Variants in MAGI1 observed in about 807,000 individuals in gnomAD.
MAGI1 encodes membrane associated guanylate kinase, WW and PDZ domain containing 1.
Under a neutral mutation model 139.9 loss-of-function variants are expected in MAGI1, and 58 were observed. The observed-to-expected ratio is 0.41, with a 90% CI of 0.34 to 0.52. The LOEUF (loss-of-function observed/expected upper bound fraction) is 0.52. MAGI1 is among the 20% of genes least tolerant of loss of function. MAGI1 has a pLI of 0.12. For missense variants in MAGI1, 1,874 were observed against 1,901.6 expected, an observed-to-expected ratio of 0.99 and a Z score of 0.27; for synonymous variants, 812 against 737.9, an observed-to-expected ratio of 1.10 and a Z score of -1.63.
chr3:65,548,340 C>T (rs916079378), intron 2 of MAGI1, among the ~76,000 whole-genome samples: 6 of 152,024 alleles, frequency 3.9e-5, no homozygotes, highest in Admixed American at 1.3e-4. Flanking sequence ...GCACACAGCT[C>T]GCAAGAAGGC....
intron 5 of MAGI1, among the ~76,000 whole-genome samples, chr3:65,454,943 A>C (rs1014438608): frequency 6.6e-6 from 1 of 152,162 alleles, no homozygotes; most frequent in African/African-American, 2.4e-5. Context: ...AAAACTGATA[A>C]TAGAAAGGTA....
chr3:65,794,378 G>A (rs1182280334), intron 1 of MAGI1, among the ~76,000 whole-genome samples: 8 of 152,098 alleles, frequency 5.3e-5, no homozygotes, highest in Non-Finnish European at 1.2e-4. Context: ...GTCCTTCTGA[G>A]GAAGCTCAGG....
At chr3:65,750,145 C>T (rs1007955787) in intron 1 of MAGI1, among the ~76,000 whole-genome samples, 4 of 152,100 alleles carry the variant, frequency 2.6e-5, no homozygotes, top group Non-Finnish European at 5.9e-5. Flanking sequence ...CTGGCAAACA[C>T]CAAAACAAGA....
rs145898823 is a variant in MAGI1 at position 65,726,860 on chromosome 3, A to G, written c.314-104772T>C. 1.8e-3 allele frequency among the ~76,000 whole-genome samples: 281 copies of G among 152,050 alleles called. 1 individual carries two copies. The Middle Eastern group carries it at 0.034, about 18-fold the overall frequency. ...TTATCCGTTATAGCCATGGCATGCA[A>G]AAGACGAGAGGCAGAATGGAACAGA... is the stretch of plus-strand genomic sequence containing the variant. On this transcript the variant is annotated intron_variant, in intron 1 of 22. Coordinates refer to ENST00000402939, the MANE Select transcript of MAGI1 (RefSeq NM_001033057.2).
intron 1 of MAGI1, among the ~76,000 whole-genome samples, chr3:66,021,207 G>C (rs1343897658): frequency 1.3e-5 from 2 of 152,126 alleles, no homozygotes; most frequent in African/African-American, 4.8e-5. Context: ...CCACATTACA[G>C]GTACACAATT....
At chr3:65,540,926 G>C (rs1291684730) in intron 2 of MAGI1, among the ~76,000 whole-genome samples, 2 of 152,214 alleles carry the variant, frequency 1.3e-5, no homozygotes, top group African/African-American at 4.8e-5. Context: ...GCTCCCCGTG[G>C]TGCAGCAAGC....
At chr3:65,915,893 T>C (rs1490161510) in intron 1 of MAGI1, among the ~76,000 whole-genome samples, 4 of 151,958 alleles carry the variant, frequency 2.6e-5, no homozygotes, top group African/African-American at 9.7e-5. Flanking sequence ...TTGATTTATG[T>C]TGAAAAAGCA....
At chr3:65,666,806 C>A (rs2086561655) in intron 1 of MAGI1, among the ~76,000 whole-genome samples, 1 of 152,192 alleles carries the variant, frequency 6.6e-6, no homozygotes, top group Non-Finnish European at 1.5e-5. Flanking sequence ...GGATTCATCA[C>A]AGATCAATCA....
At chr3:65,837,053 G>T (rs1209624306) in intron 1 of MAGI1, among the ~76,000 whole-genome samples, 1 of 152,044 alleles carries the variant, frequency 6.6e-6, no homozygotes, top group Non-Finnish European at 1.5e-5. Context: ...TTTGGAAGAG[G>T]TTCCTAAGAA....
chr3:65,803,361 C>A (rs921236397), intron 1 of MAGI1, among the ~76,000 whole-genome samples: 5 of 152,010 alleles, frequency 3.3e-5, no homozygotes, highest in African/African-American at 1.2e-4. Context: ...TCCCTCAATG[C>A]TCAATGCTTA....
chr3:65,367,293 T>C lies in MAGI1; in HGVS notation c.3197-2347A>G, dbSNP rs147534104. Among the ~76,000 whole-genome samples, 251 of 152,326 alleles carry C rather than the reference T, an allele frequency of 1.6e-3. 1 individual carries two copies. Among genetic ancestry groups the C allele is most frequent in the African/African-American group, 5.9e-3 (244 of 41,570 alleles). On this transcript the variant is annotated intron_variant, in intron 18 of 22. Coordinates refer to ENST00000402939, the MANE Select transcript of MAGI1 (RefSeq NM_001033057.2). Reference sequence around the variant, plus strand: ...GAGCAGATCAGATTCCATTCTCAAATTATTTTTATTTTTCTGCTGCTTTCA... The same window carrying C: ...GAGCAGATCAGATTCCATTCTCAAACTATTTTTATTTTTCTGCTGCTTTCA...
intron 1 of MAGI1, among the ~76,000 whole-genome samples, chr3:65,790,431 G>C (rs2039680591): frequency 6.6e-6 from 1 of 152,146 alleles, no homozygotes. Flanking sequence ...TATTAACCTA[G>C]ACTCCACAAG....
chr3:66,027,268 AT>A (rs766252579), intron 1 of MAGI1, among the ~76,000 whole-genome samples: 87,426 of 136,402 alleles, frequency 0.64, 27,044 homozygotes, highest in East Asian at 0.88. Context: ...TCCGTCTCAA[AT>A]AAATAAATAA....
intron 1 of MAGI1, among the ~76,000 whole-genome samples, chr3:65,679,160 A>G (rs1165094430): frequency 6.6e-6 from 1 of 152,044 alleles, no homozygotes; most frequent in African/African-American, 2.4e-5. Flanking sequence ...CCTTAGCTCA[A>G]AAAAAAACAA....
chr3:65,719,238 T>C lies in MAGI1; in HGVS notation c.314-97150A>G, dbSNP rs898293118. Among the ~76,000 whole-genome samples the C allele has an allele frequency of 5.3e-5, 8 of 152,022 alleles. No homozygotes were observed. The South Asian group carries it at 1.5e-3, about 28-fold the overall frequency. ...TAGATTTATTTGAATTGGGCTTATA[T>C]GGATATATATTACATACAATACACA... On this transcript the variant is annotated intron_variant, in intron 1 of 22. Transcript: ENST00000402939.
chr3:65,881,498 G>A (rs2060328186), intron 1 of MAGI1, among the ~76,000 whole-genome samples: 1 of 151,980 alleles, frequency 6.6e-6, no homozygotes, highest in Non-Finnish European at 1.5e-5. Context: ...ATGGTGGTGT[G>A]TGCCTATAGT....
chr3:65,700,426 G>A lies in MAGI1; in HGVS notation c.314-78338C>T, dbSNP rs112435392. 3.2e-3 allele frequency among the ~76,000 whole-genome samples: 478 copies of A among 151,736 alleles called. 4 individuals carry two copies. The highest frequency in any genetic ancestry group is 0.011 in the African/African-American group (462 of 41,290). On this transcript the variant is annotated intron_variant, in intron 1 of 22. Coordinates refer to ENST00000402939, the MANE Select transcript of MAGI1 (RefSeq NM_001033057.2). ...TCACACCACTGGGCACTCCAGCCTGGGCTACAGAGCGAGACTCCATCTCAA... is the reference window on the plus strand; with the variant it reads ...TCACACCACTGGGCACTCCAGCCTGAGCTACAGAGCGAGACTCCATCTCAA...
intron 1 of MAGI1, among the ~76,000 whole-genome samples, chr3:65,691,369 A>G (rs934009618): frequency 6.6e-6 from 1 of 152,000 alleles, no homozygotes. Context: ...CAAAGTCTGC[A>G]TACCACAGCC....
chr3:65,411,965 C>G (rs1238778699), intron 12 of MAGI1, among the ~76,000 whole-genome samples: 1 of 152,160 alleles, frequency 6.6e-6, no homozygotes, highest in African/African-American at 2.4e-5. Flanking sequence ...CTGGTCTCTG[C>G]TTTATGGTTT....
Sources: allele counts gnomAD v4.1 joint callset (sites outside exome capture counted in the v4.1 genomes callset), GRCh38; gene constraint gnomAD v4.1.1; transcripts MANE v1.5; gene names NCBI Gene and HGNC (gene_info 2026-07-23, HGNC 2026-07-21).